The following FAM50B variants were observed in gnomAD, a reference collection of about 807,000 sequenced individuals.
The protein encoded by FAM50B is family with sequence similarity 50 member B, also known as protein FAM50B.
Under a neutral mutation model 25.4 loss-of-function variants are expected in FAM50B, and 9 were observed. The observed-to-expected ratio is 0.35, with a 90% CI of 0.21 to 0.62. The LOEUF is 0.62. Among genes scored for constraint, FAM50B ranks in the 20% least tolerant of loss-of-function variants. FAM50B has a pLI of 0.73. For synonymous variants in FAM50B, 212 were observed against 204.3 expected, an observed-to-expected ratio of 1.04 and a Z score of -0.32; for missense variants, 372 against 477.9, an observed-to-expected ratio of 0.78 and a Z score of 2.07.
chr6:3,837,441 T>C, the FAM50B span, among the ~76,000 whole-genome samples: 1 of 152,162 alleles, frequency 6.6e-6, no homozygotes. Flanking sequence ...CTAAAGAAGA[T>C]GTCTGATAGC....
the FAM50B span, among the ~76,000 whole-genome samples, chr6:3,837,923 CCT>C: frequency 6.6e-6 from 1 of 152,212 alleles, no homozygotes; most frequent in Non-Finnish European, 1.5e-5. Flanking sequence ...AAAGGTTCCA[CCT>C]CTCAACATTG....
chr6:3,849,667 T>G, intron 1 of FAM50B, 122 bp from the exon 2 acceptor site: 1 of 1,389,900 alleles, frequency 7.2e-7, no homozygotes, highest in Middle Eastern at 2.7e-4. Flanking sequence ...CCCTAGCAGG[T>G]CGGCCCAGCC....
rs1286232911 is a variant in FAM50B, at chr6:3,849,805, G to A, written c.-7G>A. The A allele has an allele frequency of 6.3e-7, 1 of 1,596,518 alleles. No individual in the cohort carries two copies. Among genetic ancestry groups the A allele is most frequent in the Non-Finnish European group, 8.6e-7 (1 of 1,169,430 alleles). ...TTGCTGCAGAGCCCATCGGGTAGGC[G>A]CGGGCCATGGCGCAGTACAAGGGCA... On this transcript the variant is annotated 5_prime_UTR_variant, in exon 2 of 2. Transcript: ENST00000648326.
the FAM50B span, among the ~76,000 whole-genome samples, chr6:3,840,519 C>A: frequency 0.014 from 2,071 of 152,232 alleles, 22 homozygotes; most frequent in Non-Finnish European, 0.021. Context: ...TGTGGAGTCA[C>A]GGCATGTAAC....
upstream of FAM50B, among the ~76,000 whole-genome samples, chr6:3,848,976 G>C (rs1228211210): frequency 6.6e-6 from 1 of 152,256 alleles, no homozygotes; most frequent in Non-Finnish European, 1.5e-5. Context: ...TCAGAGGCGG[G>C]AGGAGGAGGG....
chr6:3,832,848 G>C, the FAM50B span, among the ~76,000 whole-genome samples: 2 of 151,764 alleles, frequency 1.3e-5, no homozygotes, highest in African/African-American at 4.8e-5. Context: ...TATCTCCTTT[G>C]ACCTTTTTAA....
Position 3,851,164 on chromosome 6 carries a change from A to G in FAM50B, c.*375A>G. On this transcript the variant is annotated 3_prime_UTR_variant, in exon 2 of 2. Coordinates refer to ENST00000648326, the MANE Select transcript of FAM50B (RefSeq NM_012135.3). Reference sequence around the variant, plus strand: ...CGACACAGCCTCCTCCTTGCTGTGTAGTTTTGGGTAAGCTTATTAAACCCC... The same window carrying G: ...CGACACAGCCTCCTCCTTGCTGTGTGGTTTTGGGTAAGCTTATTAAACCCC... 1 of 245,636 alleles carries G rather than the reference A, an allele frequency of 4.1e-6. No individual in the cohort carries two copies. 15.2% of individuals were successfully genotyped at this position (245,636 alleles called of 1,614,324 possible).
chr6:3,837,805 C>G, the FAM50B span, among the ~76,000 whole-genome samples: 1 of 152,112 alleles, frequency 6.6e-6, no homozygotes, highest in African/African-American at 2.4e-5. Flanking sequence ...CAGACCCTCC[C>G]TTGTGATAAC....
chr6:3,845,245 T>C (rs1762108072), upstream of FAM50B, among the ~76,000 whole-genome samples: 1 of 152,184 alleles, frequency 6.6e-6, no homozygotes, highest in African/African-American at 2.4e-5. Flanking sequence ...TAGTTGTTTT[T>C]CTTGTTAAAC....
chr6:3,841,423 G>A, the FAM50B span, among the ~76,000 whole-genome samples: 1 of 152,144 alleles, frequency 6.6e-6, no homozygotes, highest in Non-Finnish European at 1.5e-5. Context: ...GGTTCCCTGG[G>A]CAGGTAGTCA....
At chr6:3,832,770 T>C in the FAM50B span, among the ~76,000 whole-genome samples, 7 of 152,214 alleles carry the variant, frequency 4.6e-5, no homozygotes, top group African/African-American at 1.4e-4. Flanking sequence ...TAGTGGAACC[T>C]CACATGCTGT....
upstream of FAM50B, among the ~76,000 whole-genome samples, chr6:3,844,693 G>A (rs1452833891): frequency 6.6e-6 from 1 of 152,036 alleles, no homozygotes; most frequent in African/African-American, 2.4e-5. Context: ...CAGCCTGGAA[G>A]ACAGAGCCAG....
At chr6:3,834,956 G>A in the FAM50B span, among the ~76,000 whole-genome samples, 2 of 152,200 alleles carry the variant, frequency 1.3e-5, no homozygotes, top group Admixed American at 1.3e-4. Flanking sequence ...GAACTGCATA[G>A]AGGCTGTTTT....
At chr6:3,849,037 G>T (rs546680511), upstream of FAM50B, among the ~76,000 whole-genome samples, 416 of 152,344 alleles carry the variant, frequency 2.7e-3, 3 homozygotes, top group African/African-American at 9.8e-3. Context: ...ACAGCAGCTT[G>T]CGCTGCGCCC....
At chr6:3,836,075 CTATT>C in the FAM50B span, among the ~76,000 whole-genome samples, 1 of 151,424 alleles carries the variant, frequency 6.6e-6, no homozygotes, top group Non-Finnish European at 1.5e-5. Flanking sequence ...GTTCGTTCAT[CTATT>C]CATTCATTCA....
chr6:3,849,755 C>A, intron 1 of FAM50B, 34 bp from the exon 2 acceptor site: 1 of 1,530,208 alleles, frequency 6.5e-7, no homozygotes, highest in Non-Finnish European at 8.8e-7. Flanking sequence ...CGTGGGCCCC[C>A]CTCTACCTGC....
chr6:3,836,391 C>T, the FAM50B span, among the ~76,000 whole-genome samples: 1 of 152,148 alleles, frequency 6.6e-6, no homozygotes, highest in Admixed American at 6.5e-5. Context: ...GTTGCATGGA[C>T]GATCTCAAGG....
At chr6:3,847,847 G>T (rs758870062), upstream of FAM50B, among the ~76,000 whole-genome samples, 1 of 152,138 alleles carries the variant, frequency 6.6e-6, no homozygotes, top group African/African-American at 2.4e-5. Context: ...GCCATTGTAG[G>T]GTTATTAATT....
chr6:3,832,195 T>G, the FAM50B span, among the ~76,000 whole-genome samples: 1 of 152,170 alleles, frequency 6.6e-6, no homozygotes, highest in South Asian at 2.1e-4. Flanking sequence ...AAATTTTTCT[T>G]TTTGAAAGAC....
Sources: allele counts gnomAD v4.1 joint callset (sites outside exome capture counted in the v4.1 genomes callset), GRCh38; gene constraint gnomAD v4.1.1; transcripts MANE v1.5; gene names NCBI Gene and HGNC (gene_info 2026-07-23, HGNC 2026-07-21).